The following MARCHF1 variants were observed in gnomAD, a reference collection of about 807,000 sequenced individuals.
The protein encoded by MARCHF1 is E3 ubiquitin-protein ligase MARCHF1.
In MARCHF1, 40 loss-of-function variants were observed where a neutral mutation model predicts 54.2. The ratio of observed to expected loss-of-function variants is 0.74; its 90% CI spans 0.57 to 0.96. MARCHF1 has a LOEUF of 0.96. Ranked by LOEUF, MARCHF1 falls within the 40% of genes least tolerant of loss-of-function variation. The pLI, the probability that MARCHF1 is intolerant of heterozygous loss-of-function variation, is 0.00. For synonymous variants in MARCHF1, 236 were observed against 236.3 expected (o/e 1.00, Z 0.01); for missense variants, 586 against 656.5 (o/e 0.89, Z 1.17).
At chr4:164,195,675 A>G (rs1731235945) in intron 1 of MARCHF1, among the ~76,000 whole-genome samples, 1 of 152,186 alleles carries the variant, frequency 6.6e-6, no homozygotes, top group Admixed American at 6.5e-5. Flanking sequence ...TCTAACTAAA[A>G]CAGACCAGGA....
At chr4:163,691,546 A>ATT (rs1744458133) in intron 5 of MARCHF1, among the ~76,000 whole-genome samples, 1 of 152,194 alleles carries the variant, frequency 6.6e-6, no homozygotes, top group African/African-American at 2.4e-5. Flanking sequence ...CCAGAGCAGC[A>ATT]TAAGTGCTGG....
intron 1 of MARCHF1, among the ~76,000 whole-genome samples, chr4:164,366,672 C>T (rs1232605026): frequency 6.6e-6 from 1 of 151,406 alleles, no homozygotes; most frequent in African/African-American, 2.4e-5. Flanking sequence ...GCATTTTTGC[C>T]TCATTTTTTC....
At chr4:163,670,388 G>GTCTATCTATCTA (rs74831110) in intron 5 of MARCHF1, among the ~76,000 whole-genome samples, 2,794 of 150,088 alleles carry the variant, frequency 0.019, 74 homozygotes, top group East Asian at 0.064. Context: ...CTATCTGTCT[G>GTCTATCTATCTA]TCTATCTATC....
intron 3 of MARCHF1, among the ~76,000 whole-genome samples, chr4:163,947,113 A>G (rs1752040287): frequency 1.3e-5 from 2 of 152,230 alleles, no homozygotes; most frequent in South Asian, 2.1e-4. Context: ...GGTGTAAATG[A>G]GAAGCAATAT....
At chr4:163,833,894 G>A (rs977392006) in intron 4 of MARCHF1, among the ~76,000 whole-genome samples, 1 of 152,280 alleles carries the variant, frequency 6.6e-6, no homozygotes, top group African/African-American at 2.4e-5. Context: ...GCAATTAGAA[G>A]AAAGGAGAAC....
intron 1 of MARCHF1, among the ~76,000 whole-genome samples, chr4:164,140,182 CAT>C (rs1756493962): frequency 6.6e-6 from 1 of 150,792 alleles, no homozygotes; most frequent in African/African-American, 2.4e-5. Flanking sequence ...CACACACACA[CAT>C]ATACACATAC....
intron 1 of MARCHF1, among the ~76,000 whole-genome samples, chr4:164,121,240 T>C (rs1252712662): frequency 2.6e-5 from 4 of 152,074 alleles, no homozygotes; most frequent in Non-Finnish European, 4.4e-5. Context: ...AATTTCTAGA[T>C]GCATACAACC....
intron 2 of MARCHF1, among the ~76,000 whole-genome samples, chr4:164,101,661 G>GA (rs1409297961): frequency 7.9e-6 from 1 of 126,164 alleles, no homozygotes; most frequent in Admixed American, 8.4e-5. Context: ...CAAAGATGGG[G>GA]AAAAAACAGA....
chr4:164,181,247 C>T (rs56060040), intron 1 of MARCHF1, among the ~76,000 whole-genome samples: 22,141 of 152,084 alleles, frequency 0.15, 2,176 homozygotes, highest in African/African-American at 0.26. Flanking sequence ...AATTAACTCC[C>T]ACTCTCCCTT....
chr4:163,702,284 G>A (rs1744833160), intron 4 of MARCHF1, among the ~76,000 whole-genome samples: 1 of 152,150 alleles, frequency 6.6e-6, no homozygotes, highest in South Asian at 2.1e-4. Context: ...AGCTCCACTG[G>A]TGATGGAGGG....
At chr4:164,222,267 A>G (rs1732136998) in intron 1 of MARCHF1, among the ~76,000 whole-genome samples, 1 of 149,998 alleles carries the variant, frequency 6.7e-6, no homozygotes, top group Non-Finnish European at 1.5e-5. Flanking sequence ...TAGGATCAAC[A>G]TGTGTCTTTT....
intron 1 of MARCHF1, among the ~76,000 whole-genome samples, chr4:164,324,419 A>G (rs753751220): frequency 6.6e-6 from 1 of 151,800 alleles, no homozygotes; most frequent in Non-Finnish European, 1.5e-5. Context: ...TCTAGTAAAT[A>G]TAATCAAAGA....
At chr4:164,052,712 C>G (rs1391592635) in intron 2 of MARCHF1, among the ~76,000 whole-genome samples, 1 of 152,112 alleles carries the variant, frequency 6.6e-6, no homozygotes, top group Non-Finnish European at 1.5e-5. Context: ...AGAACTGATG[C>G]AATTTGAGCT....
intron 5 of MARCHF1, among the ~76,000 whole-genome samples, chr4:163,632,431 C>T (rs953164484): frequency 2.0e-5 from 3 of 152,182 alleles, no homozygotes; most frequent in Admixed American, 2.0e-4. Context: ...TTGCCTCACT[C>T]AGGAAGCGCA....
At chr4:163,888,929 A>G (rs1466928165) in intron 3 of MARCHF1, among the ~76,000 whole-genome samples, 1 of 152,188 alleles carries the variant, frequency 6.6e-6, no homozygotes, top group African/African-American at 2.4e-5. Context: ...AATACATTCA[A>G]TACAATCCCT....
chr4:164,172,490 G>A (rs113584405), intron 1 of MARCHF1, among the ~76,000 whole-genome samples: 1,682 of 152,010 alleles, frequency 0.011, 23 homozygotes, highest in East Asian at 0.059. Flanking sequence ...AGTTATGTAC[G>A]TCTCCCCTTC....
intron 2 of MARCHF1, among the ~76,000 whole-genome samples, chr4:164,052,407 C>CT (rs902834220): frequency 6.6e-6 from 1 of 151,990 alleles, no homozygotes; most frequent in Non-Finnish European, 1.5e-5. Flanking sequence ...TGGCAGGTGC[C>CT]TGTAATCCCA....
At chr4:164,127,044 A>T (rs1756198563) in intron 1 of MARCHF1, among the ~76,000 whole-genome samples, 1 of 128,026 alleles carries the variant, frequency 7.8e-6, no homozygotes, top group African/African-American at 2.7e-5. Flanking sequence ...ACAGAGTGAA[A>T]CTCCGTCTCA....
At chr4:163,720,376 CATTGGTCTAT>C (rs1257756879) in intron 4 of MARCHF1, among the ~76,000 whole-genome samples, 2 of 152,086 alleles carry the variant, frequency 1.3e-5, no homozygotes, top group Non-Finnish European at 2.9e-5. Flanking sequence ...TGTTCTGTTC[CATTGGTCTAT>C]ATCTCTGTTT....
Sources: allele counts gnomAD v4.1 joint callset (sites outside exome capture counted in the v4.1 genomes callset), GRCh38; gene constraint gnomAD v4.1.1; transcripts MANE v1.5; gene names NCBI Gene and HGNC (gene_info 2026-07-23, HGNC 2026-07-21).